The following HAT1 variants were observed in gnomAD, a reference collection of about 807,000 sequenced individuals.
HAT1 encodes histone acetyltransferase type B catalytic subunit.
Under a neutral mutation model 56.6 loss-of-function variants are expected in HAT1, and 20 were observed. That is an observed-to-expected ratio of 0.35 (90% CI 0.25 to 0.51). HAT1 has a LOEUF of 0.51. Ranked by LOEUF, HAT1 falls within the 20% of genes least tolerant of loss-of-function variation. HAT1 has a pLI of 0.95. For synonymous variants in HAT1, 146 were observed against 165.5 expected (o/e 0.88, Z 0.91); for missense variants, 408 against 504.3 (o/e 0.81, Z 1.83).
At chr2:171,951,135 A>G (rs1687297683) in intron 3 of HAT1, among the ~76,000 whole-genome samples, 1 of 152,100 alleles carries the variant, frequency 6.6e-6, no homozygotes, top group Admixed American at 6.5e-5. Flanking sequence ...AAGTCAACAA[A>G]TGTCTCTTCC....
intron 2 of HAT1, among the ~76,000 whole-genome samples, chr2:171,942,522 T>G (rs1687043495): frequency 1.3e-5 from 2 of 152,238 alleles, no homozygotes; most frequent in East Asian, 3.8e-4. Flanking sequence ...ATAACATGTT[T>G]AATAATTATG....
chr2:171,952,863 C>T lies in HAT1; in HGVS notation c.189-18C>T. 2 of 1,559,368 alleles carry T rather than the reference C, an allele frequency of 1.3e-6. No individual in the cohort carries two copies. Among genetic ancestry groups the T allele is most frequent in the Non-Finnish European group, 1.7e-6 (2 of 1,146,092 alleles). On this transcript the variant is annotated intron_variant, in intron 3 of 10. Transcript: ENST00000264108. ...ACTGCAAAAATTCATTCCATTATTGCTATTTTTTCCATTTCAGTGAAACTG... is the reference window on the plus strand; with the variant it reads ...ACTGCAAAAATTCATTCCATTATTGTTATTTTTTCCATTTCAGTGAAACTG...
intron 3 of HAT1, among the ~76,000 whole-genome samples, chr2:171,952,411 A>C (rs1049135087): frequency 5.9e-5 from 9 of 152,200 alleles, no homozygotes; most frequent in Non-Finnish European, 1.0e-4. Flanking sequence ...GTTTACATGT[A>C]GTAAGGCAGG....
Position 171,966,498 on chromosome 2 carries a change from C to T in HAT1, c.701C>T (p.Thr234Ile), listed in dbSNP as rs200210970. 7.2e-5 allele frequency: 111 copies of T among 1,550,382 alleles called. No homozygotes were observed. The highest frequency in any genetic ancestry group is 1.4e-5 in the Non-Finnish European group (16 of 1,121,942). Residue 234 changes from threonine (T) to isoleucine (I), a missense_variant, in exon 7 of 11, where the codon ACC becomes ATC. Thr to Ile is a moderately conservative substitution (Grantham distance 89). Coordinates refer to ENST00000264108, the MANE Select transcript of HAT1 (RefSeq NM_003642.4). Reference protein sequence around the residue: ...VYNYYVYPDKTRPRVSQMLIL... With the variant: ...VYNYYVYPDKIRPRVSQMLIL... Reference sequence around the variant, plus strand: ...AATTACTATGTGTACCCAGACAAAACCCGGCCACGTGTAAGGTAATTGGCA... The same window carrying T: ...AATTACTATGTGTACCCAGACAAAATCCGGCCACGTGTAAGGTAATTGGCA...
chr2:171,953,428 G>C (rs901951758), intron 4 of HAT1, among the ~76,000 whole-genome samples: 25 of 151,652 alleles, frequency 1.6e-4, no homozygotes, highest in Non-Finnish European at 3.2e-4. Context: ...TGCCTATAAT[G>C]CCAGTGCTTT....
At chr2:171,968,400 GT>G (rs1451581988) in intron 8 of HAT1, among the ~76,000 whole-genome samples, 1 of 152,126 alleles carries the variant, frequency 6.6e-6, no homozygotes, top group Non-Finnish European at 1.5e-5. Context: ...GTCTACTCTA[GT>G]GGGTAATGTG....
Position 171,946,703 on chromosome 2 carries a change from A to G in HAT1, c.113-5A>G. 6.5e-7 allele frequency: 1 copy of G among 1,542,522 alleles called. No individual in the cohort carries two copies. The highest frequency in any genetic ancestry group is 8.9e-7 in the Non-Finnish European group (1 of 1,120,800). ...ATATCTCTATTTTTTTGTCCCTTGA[A>G]ACAGTTCGTTTTCCTGAAGATCTTG... is the stretch of plus-strand genomic sequence containing the variant. On this transcript the variant is annotated splice_polypyrimidine_tract_variant and splice_region_variant and intron_variant, in intron 2 of 10. Transcript: ENST00000264108.
At chr2:171,965,005 A>T (rs571770537) in intron 4 of HAT1, 2 of 181,826 alleles carry the variant, frequency 1.1e-5, no homozygotes, top group African/African-American at 2.3e-5. Context: ...AATAATAAGC[A>T]ACCTTTTGCC....
chr2:171,970,934 C>T (rs1687800640), intron 8 of HAT1, among the ~76,000 whole-genome samples: 1 of 151,982 alleles, frequency 6.6e-6, no homozygotes, highest in African/African-American at 2.4e-5. Context: ...GGTGCCATGG[C>T]TCACGCCTGT....
intron 3 of HAT1, among the ~76,000 whole-genome samples, chr2:171,950,962 A>G (rs1000279688): frequency 2.0e-5 from 3 of 151,380 alleles, no homozygotes; most frequent in Non-Finnish European, 1.5e-5. Context: ...GGCGCCTGCC[A>G]CCATGCCCAG....
chr2:171,948,564 AT>A (rs1464864823), intron 3 of HAT1, among the ~76,000 whole-genome samples: 1 of 152,056 alleles, frequency 6.6e-6, no homozygotes, highest in African/African-American at 2.4e-5. Context: ...CATGTTTCAG[AT>A]TTTGTCAGTT....
intron 8 of HAT1, among the ~76,000 whole-genome samples, chr2:171,970,419 T>A (rs1558977884): frequency 6.9e-6 from 1 of 145,918 alleles, no homozygotes; most frequent in African/African-American, 2.6e-5. Flanking sequence ...ACACACAGAT[T>A]CACACACACA....
intron 2 of HAT1, among the ~76,000 whole-genome samples, chr2:171,933,493 A>G (rs1574035796): frequency 6.6e-6 from 1 of 151,390 alleles, no homozygotes; most frequent in African/African-American, 2.4e-5. Context: ...GCATCACTGC[A>G]CTCCAGCCTG....
chr2:171,950,487 A>T (rs567021396), intron 3 of HAT1, among the ~76,000 whole-genome samples: 1 of 140,936 alleles, frequency 7.1e-6, no homozygotes, highest in African/African-American at 2.7e-5. Flanking sequence ...AGCCATATTT[A>T]ATGTGTGGCT....
At chr2:171,956,324 A>G (rs1687445887) in intron 4 of HAT1, among the ~76,000 whole-genome samples, 1 of 151,962 alleles carries the variant, frequency 6.6e-6, no homozygotes, top group Non-Finnish European at 1.5e-5. Flanking sequence ...CTCTACACGC[A>G]CACACGCACG....
At chr2:171,947,708 G>A (rs1252611989) in intron 3 of HAT1, among the ~76,000 whole-genome samples, 5 of 152,064 alleles carry the variant, frequency 3.3e-5, no homozygotes, top group Non-Finnish European at 5.9e-5. Context: ...GTGAAACCCC[G>A]TCTCTATTAA....
chr2:171,983,240 C>T lies in HAT1; in HGVS notation c.1148C>T (p.Thr383Ile). ...AAATGTCTCAGACCAGAAGAACTGACAAACCAGATGAACCAAATAGAAATA... is the reference window on the plus strand; with the variant it reads ...AAATGTCTCAGACCAGAAGAACTGATAAACCAGATGAACCAAATAGAAATA... ...MRKCLRPEELTNQMNQIEISM... is the reference protein window; with the variant it reads ...MRKCLRPEELINQMNQIEISM... The change falls in exon 11 of 11, where the codon ACA becomes ATA. Residue 383 changes from threonine (T) to isoleucine (I), a missense_variant. Thr to Ile is a moderately conservative substitution (Grantham distance 89, BLOSUM62 -1). Transcript: ENST00000264108. The T allele has an allele frequency of 6.2e-7, 1 of 1,604,042 alleles. No individual in the cohort carries two copies. The highest frequency in any genetic ancestry group is 8.5e-7 in the Non-Finnish European group (1 of 1,172,512).
At chr2:171,970,939 G>C (rs144879988) in intron 8 of HAT1, among the ~76,000 whole-genome samples, 1 of 150,994 alleles carries the variant, frequency 6.6e-6, no homozygotes, top group African/African-American at 2.4e-5. Context: ...CATGGCTCAC[G>C]CCTGTAATCC....
intron 8 of HAT1, among the ~76,000 whole-genome samples, chr2:171,974,173 C>CA (rs1183466393): frequency 0.033 from 1,472 of 45,094 alleles, 54 homozygotes; most frequent in East Asian, 0.041. Flanking sequence ...GACCCTGTCT[C>CA]AAAAAAAAAA....
Sources: gnomAD v4.1 joint callset for allele counts (sites outside exome capture counted in the v4.1 genomes callset) on GRCh38, gnomAD v4.1.1 for gene constraint, MANE v1.5 for transcripts, NCBI Gene and HGNC (gene_info 2026-07-23, HGNC 2026-07-21) for gene names.